DNPEP: variants seen among roughly 807,000 people sequenced by gnomAD.
The protein encoded by DNPEP is aspartyl aminopeptidase.
Under a neutral mutation model 59.1 loss-of-function variants are expected in DNPEP, and 46 were observed. The observed-to-expected ratio is 0.78, with a 90% CI of 0.61 to 0.99. The LOEUF is 0.99. Among genes scored for constraint, DNPEP ranks in the 50% least tolerant of loss-of-function variants. The pLI, the probability that DNPEP is intolerant of heterozygous loss-of-function variation, is 0.00. For missense variants in DNPEP, 617 were observed against 649.9 expected (o/e 0.95, Z 0.55); for synonymous variants, 229 against 242.2 (o/e 0.95, Z 0.50).
chr2:219,394,536 A>C (rs1306895535), intron 1 of DNPEP, among the ~76,000 whole-genome samples: 1 of 152,012 alleles, frequency 6.6e-6, no homozygotes, highest in Non-Finnish European at 1.5e-5. Context: ...TGGGGCTCCC[A>C]AACTGCTGGG....
At chr2:219,385,839 G>A (rs992712622) in intron 6 of DNPEP, 129 bp downstream of exon 6, 18 of 1,457,264 alleles carry the variant, frequency 1.2e-5, no homozygotes, top group Non-Finnish European at 1.9e-6. Context: ...AAATCACAAG[G>A]CTGTGAGGAC....
Position 219,383,144 on chromosome 2 carries a change from TAG to T in DNPEP, c.921_922del (p.Tyr308Ter), listed in dbSNP as rs1953668400. 2.5e-6 allele frequency: 4 copies of T among 1,614,120 alleles called. No individual in the cohort carries two copies. The highest frequency in any genetic ancestry group is 3.4e-6 in the Non-Finnish European group (4 of 1,179,986). On this transcript the variant is annotated frameshift_variant, in exon 10 of 15. Transcript: ENST00000273075. LOFTEE classifies it high-confidence loss of function. Reference sequence around the variant, plus strand: ...CCCTCCACGTACCTCTTCGTTGTCATAGAGTGTGACCATGCGCACGTGAGGCT... The same window carrying T: ...CCCTCCACGTACCTCTTCGTTGTCATAGTGTGACCATGCGCACGTGAGGCT...
chr2:219,395,019 G>A (rs781100688), intron 1 of DNPEP, among the ~76,000 whole-genome samples: 3 of 151,802 alleles, frequency 2.0e-5, no homozygotes, highest in Non-Finnish European at 2.9e-5. Context: ...GCAGTGGTGC[G>A]ATCTCGGTTC....
At chr2:219,397,892 TTTTC>T (rs1173687416) in intron 1 of DNPEP, among the ~76,000 whole-genome samples, 2 of 152,048 alleles carry the variant, frequency 1.3e-5, no homozygotes, top group Admixed American at 6.6e-5. Context: ...GCCTGGATGC[TTTTC>T]TTTTTTTTTT....
At chr2:219,385,754 G>T in intron 6 of DNPEP, 48 bp from the exon 7 acceptor site, 1 of 1,521,092 alleles carries the variant, frequency 6.6e-7, no homozygotes, top group South Asian at 1.2e-5. Context: ...GGGCACAGCT[G>T]AGTGCGGCAT....
chr2:219,387,538 T>C, intron 1 of DNPEP: 1 of 1,441,608 alleles, frequency 6.9e-7, no homozygotes, highest in Non-Finnish European at 9.1e-7. Context: ...CAAAGCCCTG[T>C]ACCCCAAGGA....
chr2:219,388,941 A>G, upstream of DNPEP: 1 of 922,294 alleles, frequency 1.1e-6, no homozygotes, highest in Non-Finnish European at 1.3e-6. Flanking sequence ...CGTCGAGGTA[A>G]TAAACGGCAC....
At chr2:219,391,881 A>AC (rs1178148231), upstream of DNPEP, among the ~76,000 whole-genome samples, 1 of 151,998 alleles carries the variant, frequency 6.6e-6, no homozygotes, top group Non-Finnish European at 1.5e-5. Context: ...ATAAAAAAAA[A>AC]AAAAAGGTCA....
intron 13 of DNPEP, among the ~76,000 whole-genome samples, chr2:219,375,550 A>C (rs921797168): frequency 6.6e-6 from 1 of 152,014 alleles, no homozygotes; most frequent in Non-Finnish European, 1.5e-5. Flanking sequence ...TTTATTTAAA[A>C]ATTTTTATTT....
intron 1 of DNPEP, 118 bp downstream of exon 1, chr2:219,387,641 T>A (rs1006693716): frequency 1.9e-6 from 3 of 1,552,590 alleles, no homozygotes; most frequent in African/African-American, 1.4e-5. Context: ...CCGCGGGGCT[T>A]TCGGTTTCGC....
rs1416883634 is a variant in DNPEP at position 219,381,973 on chromosome 2, A to G, written c.1097+6T>C. ...GAAGACTGTGTGACTGGCACTAGAG[A>G]CTCACAGGTAGTTGGGATGCACAGC... On this transcript the variant is annotated splice_donor_region_variant and intron_variant, in intron 11 of 14. Transcript: ENST00000273075. 6.2e-7 allele frequency: 1 copy of G among 1,613,880 alleles called. No homozygotes were observed. The highest frequency in any genetic ancestry group is 8.5e-7 in the Non-Finnish European group (1 of 1,179,850).
chr2:219,398,893 C>T (rs1404076180), intron 1 of DNPEP, among the ~76,000 whole-genome samples: 4 of 152,228 alleles, frequency 2.6e-5, no homozygotes, highest in Non-Finnish European at 4.4e-5. Context: ...CACAGGCCCT[C>T]GCCTTCCTCT....
chr2:219,398,082 C>A (rs1315462061), intron 1 of DNPEP, among the ~76,000 whole-genome samples: 3 of 152,138 alleles, frequency 2.0e-5, no homozygotes, highest in Admixed American at 1.3e-4. Context: ...AGACTTAGAG[C>A]CTTAGCTTCC....
At chr2:219,383,796 A>G (rs2125136993) in intron 9 of DNPEP, among the ~76,000 whole-genome samples, 1 of 152,328 alleles carries the variant, frequency 6.6e-6, no homozygotes, top group African/African-American at 2.4e-5. Flanking sequence ...ATTACAGCCC[A>G]AAGCCTATCT....
At chr2:219,398,875 G>C (rs1052670144) in intron 1 of DNPEP, among the ~76,000 whole-genome samples, 1 of 152,200 alleles carries the variant, frequency 6.6e-6, no homozygotes, top group African/African-American at 2.4e-5. Flanking sequence ...CCCCCTCCAG[G>C]TGGCAGGCAC....
rs1440542409 is a variant in DNPEP, at chr2:219,386,993, C to T, written c.131-13G>A. 3 of 1,614,002 alleles carry T rather than the reference C, an allele frequency of 1.9e-6. No individual in the cohort carries two copies. The Admixed American group carries it at 5.0e-5, about 27-fold the overall frequency. On this transcript the variant is annotated splice_polypyrimidine_tract_variant and intron_variant, in intron 2 of 14. Coordinates refer to ENST00000273075, the MANE Select transcript of DNPEP (RefSeq NM_012100.4). Reference sequence around the variant, plus strand: ...CATTCAGCCACAGCTGTGGGAAAAGCACCCTCTCACAGCGATGGAAGCTGG... The same window carrying T: ...CATTCAGCCACAGCTGTGGGAAAAGTACCCTCTCACAGCGATGGAAGCTGG...
At chr2:219,376,506 G>GA (rs576280343) in intron 13 of DNPEP, among the ~76,000 whole-genome samples, 10 of 147,002 alleles carry the variant, frequency 6.8e-5, no homozygotes, top group East Asian at 4.0e-4. Flanking sequence ...AAAAGAAAAA[G>GA]AAAAAAAAAG....
intron 13 of DNPEP, among the ~76,000 whole-genome samples, chr2:219,376,430 G>T (rs1953373700): frequency 6.6e-6 from 1 of 151,214 alleles, no homozygotes; most frequent in Admixed American, 6.6e-5. Context: ...GGAGGTTGCA[G>T]TGAGCTGAGA....
Position 219,386,004 on chromosome 2 carries a change from A to G in DNPEP, c.554T>C (p.Ile185Thr), listed in dbSNP as rs1465307955. 3 of 1,614,094 alleles carry G rather than the reference A, an allele frequency of 1.9e-6. No homozygotes were observed. The highest frequency in any genetic ancestry group is 2.7e-5 in the African/African-American group (2 of 75,010). ...PHLAIHLQRNINENFGPNTEM... is the reference protein window; with the variant it reads ...PHLAIHLQRNTNENFGPNTEM... ...TGTGTTGGGCCCAAAGTTCTCGTTG[A>G]TATTTCGCTGCAGATGGATGGCCAG... The change falls in exon 6 of 15, where the codon ATC becomes ACC. Residue 185 changes from isoleucine to threonine, a missense_variant. Coordinates refer to ENST00000273075, the MANE Select transcript of DNPEP (RefSeq NM_012100.4).
Sources: allele counts gnomAD v4.1 joint callset (sites outside exome capture counted in the v4.1 genomes callset), GRCh38; gene constraint gnomAD v4.1.1; transcripts MANE v1.5; gene names NCBI Gene and HGNC (gene_info 2026-07-23, HGNC 2026-07-21).